KCNH7: variants seen among roughly 807,000 people sequenced by gnomAD.
KCNH7 encodes the protein voltage-gated inwardly rectifying potassium channel KCNH7.
In KCNH7, 49 loss-of-function variants were observed where a neutral mutation model predicts 120.8. The observed-to-expected ratio is 0.41, with a 90% CI of 0.32 to 0.51. The LOEUF (loss-of-function observed/expected upper bound fraction) is 0.51, where lower values mean the gene tolerates loss of function less well. Ranked by LOEUF, KCNH7 falls within the 20% of genes least tolerant of loss-of-function variation. The probability of loss-of-function intolerance (pLI) is 0.38; values close to 1 mark genes in which losing one functional copy is unlikely to be tolerated. For synonymous variants in KCNH7, 547 were observed against 516.1 expected, an observed-to-expected ratio of 1.06 and a Z score of -0.81; for missense variants, 1,097 against 1,446.6, an observed-to-expected ratio of 0.76 and a Z score of 3.92.
chr2:162,743,877 A>C (rs1447269973), intron 2 of KCNH7, among the ~76,000 whole-genome samples: 1 of 152,086 alleles, frequency 6.6e-6, no homozygotes, highest in Non-Finnish European at 1.5e-5. Context: ...ATTTTAAAAT[A>C]TTTTTTCATA....
chr2:162,682,851 T>C (rs1559079966), intron 2 of KCNH7, among the ~76,000 whole-genome samples: 1 of 151,834 alleles, frequency 6.6e-6, no homozygotes, highest in African/African-American at 2.4e-5. Flanking sequence ...TGGAGAACCA[T>C]AATTTCCTAA....
At chr2:162,799,430 A>G (rs1684263340) in intron 2 of KCNH7, among the ~76,000 whole-genome samples, 2 of 152,004 alleles carry the variant, frequency 1.3e-5, no homozygotes, top group South Asian at 2.1e-4. Context: ...AAGCATAGGT[A>G]ATAATCAAGC....
intron 2 of KCNH7, among the ~76,000 whole-genome samples, chr2:162,804,806 CA>C (rs2105551752): frequency 6.7e-6 from 1 of 148,216 alleles, no homozygotes; most frequent in African/African-American, 2.5e-5. Flanking sequence ...TAATCCTAAG[CA>C]AAAAGAACAC....
intron 6 of KCNH7, among the ~76,000 whole-genome samples, chr2:162,476,450 T>C (rs1438397139): frequency 1.3e-5 from 2 of 152,326 alleles, no homozygotes; most frequent in Non-Finnish European, 2.9e-5. Flanking sequence ...TGAAGACAGA[T>C]GCTGAAACTA....
intron 3 of KCNH7, among the ~76,000 whole-genome samples, chr2:162,526,036 C>T (rs1466966697): frequency 6.6e-6 from 1 of 151,892 alleles, no homozygotes; most frequent in Non-Finnish European, 1.5e-5. Context: ...AAGTGTCGGC[C>T]AGTCTGAGAA....
At chr2:162,549,103 C>G (rs1041306770) in intron 2 of KCNH7, among the ~76,000 whole-genome samples, 1 of 152,122 alleles carries the variant, frequency 6.6e-6, no homozygotes, top group Non-Finnish European at 1.5e-5. Flanking sequence ...GACCTTGCCT[C>G]TAGTTCTGAA....
chr2:162,647,945 C>A (rs1684425833), intron 2 of KCNH7, among the ~76,000 whole-genome samples: 1 of 152,214 alleles, frequency 6.6e-6, no homozygotes, highest in Non-Finnish European at 1.5e-5. Context: ...TAATGATGTT[C>A]ATAAAGATAA....
chr2:162,694,457 C>A (rs1044218365), intron 2 of KCNH7, among the ~76,000 whole-genome samples: 1 of 148,070 alleles, frequency 6.8e-6, no homozygotes, highest in Non-Finnish European at 1.5e-5. Flanking sequence ...CCAGCTGGTG[C>A]GTGTGGGTAT....
chr2:162,407,174 A>G (rs1237894889), intron 9 of KCNH7, among the ~76,000 whole-genome samples: 1 of 152,058 alleles, frequency 6.6e-6, no homozygotes, highest in Non-Finnish European at 1.5e-5. Flanking sequence ...TTGAGAGAAT[A>G]AACTAAATTT....
chr2:162,570,384 T>C (rs1270821385), intron 2 of KCNH7, among the ~76,000 whole-genome samples: 1 of 151,992 alleles, frequency 6.6e-6, no homozygotes, highest in African/African-American at 2.4e-5. Context: ...ATTTGCTTGG[T>C]AGATCTTCCT....
chr2:162,512,639 G>C lies in KCNH7; in HGVS notation c.913+15C>G, dbSNP rs1255612290. The C allele has an allele frequency of 6.2e-7, 1 of 1,607,794 alleles. No individual in the cohort carries two copies. Among genetic ancestry groups the C allele is most frequent in the East Asian group, 2.2e-5 (1 of 44,722 alleles). Reference sequence around the variant, plus strand: ...GGTTGAACATCAGATGGTGAAATTTGAGTTTGTACATTACCTTTGACATTG... The same window carrying C: ...GGTTGAACATCAGATGGTGAAATTTCAGTTTGTACATTACCTTTGACATTG... On this transcript the variant is annotated intron_variant, in intron 5 of 15. Transcript: ENST00000332142.
At chr2:162,833,245 C>T (rs1374928793) in intron 2 of KCNH7, among the ~76,000 whole-genome samples, 1 of 151,662 alleles carries the variant, frequency 6.6e-6, no homozygotes, top group Admixed American at 6.6e-5. Flanking sequence ...GTACTCCAAA[C>T]CAGATGAGGG....
At chr2:162,375,411 A>AT (rs1686128501) in intron 14 of KCNH7, among the ~76,000 whole-genome samples, 1 of 152,196 alleles carries the variant, frequency 6.6e-6, no homozygotes, top group Non-Finnish European at 1.5e-5. Context: ...ACCTATTTGA[A>AT]TAGTGTCTAT....
intron 9 of KCNH7, among the ~76,000 whole-genome samples, chr2:162,417,058 C>T (rs1465677502): frequency 5.3e-5 from 8 of 152,092 alleles, no homozygotes; most frequent in Non-Finnish European, 8.8e-5. Context: ...TGAATGTTTT[C>T]ACTTTTAAAA....
At chr2:162,815,886 T>A (rs937013967) in intron 2 of KCNH7, among the ~76,000 whole-genome samples, 3 of 152,308 alleles carry the variant, frequency 2.0e-5, no homozygotes, top group East Asian at 1.9e-4. Flanking sequence ...ACCACATAAG[T>A]AGCACACATG....
At chr2:162,480,726 G>A (rs1574010273) in intron 6 of KCNH7, among the ~76,000 whole-genome samples, 1 of 152,092 alleles carries the variant, frequency 6.6e-6, no homozygotes, top group East Asian at 1.9e-4. Context: ...GAGAACATTG[G>A]GCCAGTTTAT....
chr2:162,548,808 G>T (rs1402072096), intron 2 of KCNH7, among the ~76,000 whole-genome samples: 1 of 152,124 alleles, frequency 6.6e-6, no homozygotes, highest in East Asian at 1.9e-4. Flanking sequence ...CCACTTTATG[G>T]AGTTACTGTG....
chr2:162,608,876 C>G (rs1682868583), intron 2 of KCNH7, among the ~76,000 whole-genome samples: 1 of 152,172 alleles, frequency 6.6e-6, no homozygotes, highest in Admixed American at 6.5e-5. Context: ...TAGTTGCTTT[C>G]CAGCCAGACT....
intron 3 of KCNH7, chr2:162,528,226 C>T (rs780237801): frequency 1.3e-5 from 2 of 151,940 alleles, no homozygotes; most frequent in Non-Finnish European, 1.5e-5. Flanking sequence ...AATAAAATGT[C>T]CCTGCCATGA....
Sources: allele counts gnomAD v4.1 joint callset (sites outside exome capture counted in the v4.1 genomes callset), GRCh38; gene constraint gnomAD v4.1.1; transcripts MANE v1.5; gene names NCBI Gene and HGNC (gene_info 2026-07-23, HGNC 2026-07-21).